The following DPYSL2 variants were observed in gnomAD, a reference collection of about 807,000 sequenced individuals.
DPYSL2 encodes the protein dihydropyrimidinase like 2, also known as dihydropyrimidinase-related protein 2.
Under a neutral mutation model 69.9 loss-of-function variants are expected in DPYSL2, and 13 were observed. The ratio of observed to expected loss-of-function variants is 0.19; its 90% confidence interval spans 0.12 to 0.30. DPYSL2 has a LOEUF of 0.30. Among genes scored for constraint, DPYSL2 ranks in the 10% least tolerant of loss-of-function variants. The probability of loss-of-function intolerance (pLI) is 1.00; values close to 1 mark genes in which losing one functional copy is unlikely to be tolerated. For missense variants in DPYSL2, 587 were observed against 918.9 expected, an observed-to-expected ratio of 0.64 and a Z score of 4.67; for synonymous variants, 326 against 359.1, an observed-to-expected ratio of 0.91 and a Z score of 1.04.
At chr8:26,622,158 C>CTTCCTTCCTTCCTTCCCTCT (rs1554544255) in intron 3 of DPYSL2, among the ~76,000 whole-genome samples, 8 of 36,392 alleles carry the variant, frequency 2.2e-4, no homozygotes, top group Admixed American at 7.7e-4. Context: ...TCCTTCCTTC[C>CTTCCTTCCTTCCTTCCCTCT]CTCTCTCTCT....
In DPYSL2 at chr8:26,587,362, C is replaced by T. The variant is rs1207425807; in HGVS notation, c.628+3379C>T. Among the ~76,000 whole-genome samples the T allele has an allele frequency of 6.6e-6, 1 of 152,168 alleles. No homozygotes were observed. The highest frequency in any genetic ancestry group is 2.4e-5 in the African/African-American group (1 of 41,446). ...CCCTCTTCCTCCCAACTCCCCGCCACCCCGCCCCTGGGCACTCCACCCTCC... is the reference window on the plus strand; with the variant it reads ...CCCTCTTCCTCCCAACTCCCCGCCATCCCGCCCCTGGGCACTCCACCCTCC... On this transcript the variant is annotated intron_variant, in intron 3 of 13. Coordinates refer to ENST00000521913, the MANE Select transcript of DPYSL2 (RefSeq NM_001197293.3). This position sits in a 1 kb window ranked among gnomAD's most constrained non-coding sequence, Gnocchi z 4.2.
rs1022110900 is a variant in DPYSL2, at chr8:26,564,447, G to A, written c.355-17522G>A. 1.3e-5 allele frequency among the ~76,000 whole-genome samples: 2 copies of A among 152,260 alleles called. No homozygotes were observed. The highest frequency in any genetic ancestry group is 3.4e-3 in the Middle Eastern group (1 of 294). ...AGACTTTGAGATTTGGGAGCAGGCC[G>A]GGGTGGGAAACAGCATGGATTTGGG... On this transcript the variant is annotated intron_variant, in intron 1 of 13. Coordinates refer to ENST00000521913, the MANE Select transcript of DPYSL2 (RefSeq NM_001197293.3). This position sits in a 1 kb window ranked among gnomAD's most constrained non-coding sequence, Gnocchi z 4.8.
In DPYSL2 at chr8:26,529,500, A is replaced by G. The variant is rs1713673969; in HGVS notation, c.354+14821A>G. On this transcript the variant is annotated intron_variant, in intron 1 of 13. Transcript: ENST00000521913. The stretch of plus-strand genomic sequence containing the variant: ...CCTGGCTCATTTTTTAATTTTTTGT[A>G]GAGACATGGCCTCATTTTGTTCTCC... Among the ~76,000 whole-genome samples the G allele has an allele frequency of 2.0e-5, 3 of 151,866 alleles. No individual in the cohort carries two copies. In the South Asian group the frequency reaches 6.2e-4, roughly 32 times the overall value.
Position 26,644,190 on chromosome 8 carries a change from G to A in DPYSL2, c.1425+99G>A. ...CATGGAGGCCTTGAAATGACAGACA[G>A]TGGAGGACATCCTAGAAGCCAGTAC... On this transcript the variant is annotated intron_variant, in intron 10 of 13. Coordinates refer to ENST00000521913, the MANE Select transcript of DPYSL2 (RefSeq NM_001197293.3). This position sits in a 1 kb window ranked among gnomAD's most constrained non-coding sequence, Gnocchi z 4.5. The A allele has an allele frequency of 2.1e-6, 3 of 1,434,636 alleles. No homozygotes were observed. Among genetic ancestry groups the A allele is most frequent in the Non-Finnish European group, 2.8e-6 (3 of 1,067,666 alleles). 88.9% of individuals were successfully genotyped at this position (1,434,636 alleles called of 1,614,324 possible).
At chr8:26,574,084 A>G (rs929186940) in intron 1 of DPYSL2, among the ~76,000 whole-genome samples, 1 of 152,150 alleles carries the variant, frequency 6.6e-6, no homozygotes, top group African/African-American at 2.4e-5. Flanking sequence ...AGAAATGTGC[A>G]AGTCATTATA....
rs1192061895 is a variant in DPYSL2 at position 26,657,779 on chromosome 8, C to T, written c.*2073C>T. The T allele has an allele frequency of 2.6e-5, 4 of 152,530 alleles. No homozygotes were observed. In the East Asian group the frequency reaches 7.7e-4, roughly 29 times the overall value. The allele number at this position is 152,530 out of a possible 1,614,324, so 9.4% of individuals were successfully genotyped here. ...TTGTTTTGGTTGTTTTCTTAAAAAA[C>T]AAGTTAAAACCTGACGATTTCTGCA... On this transcript the variant is annotated 3_prime_UTR_variant, in exon 14 of 14. Coordinates refer to ENST00000521913, the MANE Select transcript of DPYSL2 (RefSeq NM_001197293.3).
At position 26,579,924 on chromosome 8, in the gene DPYSL2, C is replaced by CT. The variant is rs67626321; in HGVS notation, c.355-2023dup. Among the ~76,000 whole-genome samples the CT allele has an allele frequency of 2.4e-3, 272 of 115,574 alleles. 2 individuals carry two copies. Among genetic ancestry groups the CT allele is most frequent in the African/African-American group, 6.9e-3 (198 of 28,596 alleles). The allele number at this position is 115,574 out of a possible 152,430, so 75.8% of individuals were successfully genotyped here. A position where few individuals can be genotyped will look rare whatever the true frequency, so the allele number is the denominator to read the frequency against. ...AATTAAAAGCAAACGATCAACAAGACTTTTTTTTTTTTTTTTTTTTTTAAA... is the reference window on the plus strand; with the variant it reads ...AATTAAAAGCAAACGATCAACAAGACTTTTTTTTTTTTTTTTTTTTTTTAAA... On this transcript the variant is annotated intron_variant, in intron 1 of 13. Transcript: ENST00000521913.
Position 26,519,792 on chromosome 8 carries a change from T to C in DPYSL2, c.354+5113T>C, listed in dbSNP as rs542617329. Among the ~76,000 whole-genome samples the C allele has an allele frequency of 2.0e-5, 3 of 152,322 alleles. No homozygotes were observed. In the East Asian group the frequency reaches 5.8e-4, roughly 29 times the overall value. Reference sequence around the variant, plus strand: ...ACAATTTAATTTTGCAGGCAAAATATGTTACATCCCATTAAACTCCATATT... The same window carrying C: ...ACAATTTAATTTTGCAGGCAAAATACGTTACATCCCATTAAACTCCATATT... On this transcript the variant is annotated intron_variant, in intron 1 of 13. Coordinates refer to ENST00000521913, the MANE Select transcript of DPYSL2 (RefSeq NM_001197293.3).
At chr8:26,549,280 C>G (rs1157791742) in intron 1 of DPYSL2, among the ~76,000 whole-genome samples, 1 of 149,992 alleles carries the variant, frequency 6.7e-6, no homozygotes, top group African/African-American at 2.4e-5. Flanking sequence ...ATGAAGAATG[C>G]CTTTTATTTG....
At position 26,626,482 on chromosome 8, in the gene DPYSL2, AACACACACACACACACACACACACACAC is replaced by A. The variant is rs58931747; in HGVS notation, c.794-122_794-95del. 1 of 514,044 alleles carries A rather than the reference AACACACACACACACACACACACACACAC, an allele frequency of 1.9e-6. No individual in the cohort carries two copies. The highest frequency in any genetic ancestry group is 3.4e-6 in the Non-Finnish European group (1 of 295,084). 31.8% of individuals were successfully genotyped at this position (514,044 alleles called of 1,614,324 possible). ...TCTCCTCTCTCTTTCTCTGTACTGA[AACACACACACACACACACACACACACAC>A]ACACACACACACGTACACACACAGA... On this transcript the variant is annotated intron_variant, in intron 4 of 13. Coordinates refer to ENST00000521913, the MANE Select transcript of DPYSL2 (RefSeq NM_001197293.3). This position sits in a 1 kb window ranked among gnomAD's most constrained non-coding sequence, Gnocchi z 4.3.
In DPYSL2 at chr8:26,640,273, C is replaced by A. The variant is rs868022400; in HGVS notation, c.1127-3166C>A. Among the ~76,000 whole-genome samples, 1 of 152,220 alleles carries A rather than the reference C, an allele frequency of 6.6e-6. No individual in the cohort carries two copies. Among genetic ancestry groups the A allele is most frequent in the Non-Finnish European group, 1.5e-5 (1 of 68,034 alleles). ...GTAAATAAGCACCAGCTCCCATCCC[C>A]TGCAGTTCTTGGCCTTATAGAGAGC... On this transcript the variant is annotated intron_variant, in intron 8 of 13. Transcript: ENST00000521913. This position sits in a 1 kb window ranked among gnomAD's most constrained non-coding sequence, Gnocchi z 4.2.
rs187065274 is a variant in DPYSL2, at chr8:26,596,430, C to A, written c.628+12447C>A. ...AAGGACACAAGGACACGTGTTGAGT[C>A]CTCTTGTCCTCCAGTGAGCTCGGGA... On this transcript the variant is annotated intron_variant, in intron 3 of 13. Transcript: ENST00000521913. Among the ~76,000 whole-genome samples, 6 of 152,328 alleles carry A rather than the reference C, an allele frequency of 3.9e-5. No individual in the cohort carries two copies. The East Asian group carries it at 1.2e-3, about 29-fold the overall frequency.
At chr8:26,599,245 A>G (rs1221378401) in intron 3 of DPYSL2, among the ~76,000 whole-genome samples, 1 of 152,188 alleles carries the variant, frequency 6.6e-6, no homozygotes, top group African/African-American at 2.4e-5. Context: ...CAGATGATTC[A>G]GAAGCTGTGT....
chr8:26,635,562 A>C (rs186988476), intron 8 of DPYSL2, among the ~76,000 whole-genome samples: 101 of 152,222 alleles, frequency 6.6e-4, no homozygotes, highest in Admixed American at 1.3e-3. Context: ...AATTTCGATA[A>C]TCACACTGCA....
chr8:26,570,282 T>C (rs1175634186), intron 1 of DPYSL2, among the ~76,000 whole-genome samples: 1 of 152,046 alleles, frequency 6.6e-6, no homozygotes, highest in Non-Finnish European at 1.5e-5. Flanking sequence ...CACTGGGTTA[T>C]GAGGAAAGAA....
intron 3 of DPYSL2, among the ~76,000 whole-genome samples, chr8:26,618,087 T>C (rs1262197428): frequency 6.6e-6 from 1 of 152,146 alleles, no homozygotes; most frequent in Non-Finnish European, 1.5e-5. Context: ...GAATAGTCCT[T>C]TTTCAGAGAC....
chr8:26,569,851 G>C (rs969099750), intron 1 of DPYSL2, among the ~76,000 whole-genome samples: 10 of 152,216 alleles, frequency 6.6e-5, no homozygotes, highest in African/African-American at 2.2e-4. Flanking sequence ...AAGGACATCA[G>C]TGTGCTATGG....
At chr8:26,645,966 C>T (rs1253642054) in intron 10 of DPYSL2, among the ~76,000 whole-genome samples, 3 of 151,982 alleles carry the variant, frequency 2.0e-5, no homozygotes, top group African/African-American at 4.8e-5. Flanking sequence ...CCCGGGTTCA[C>T]GCAATTCTCT....
chr8:26,657,565 G>C lies in DPYSL2; in HGVS notation c.*1859G>C, dbSNP rs1405190632. The C allele has an allele frequency of 1.3e-5, 2 of 152,436 alleles. No homozygotes were observed. The highest frequency in any genetic ancestry group is 3.9e-4 in the East Asian group (2 of 5,188). 9.4% of individuals were successfully genotyped at this position (152,436 alleles called of 1,614,324 possible). A position where few individuals can be genotyped will look rare whatever the true frequency, so the allele number is the denominator to read the frequency against. ...GTTGTTGTTTATTTGTTATTTTAAA[G>C]GTAAATTGCACTTTTAAAAAAATAA... is the stretch of plus-strand genomic sequence containing the variant. On this transcript the variant is annotated 3_prime_UTR_variant, in exon 14 of 14. Coordinates refer to ENST00000521913, the MANE Select transcript of DPYSL2 (RefSeq NM_001197293.3).
Sources: gnomAD v4.1 joint callset for allele counts (sites outside exome capture counted in the v4.1 genomes callset) on GRCh38, gnomAD v4.1.1 for gene constraint, Gnocchi (gnomAD v3.1) non-coding constraint, MANE v1.5 for transcripts, NCBI Gene and HGNC (gene_info 2026-07-23, HGNC 2026-07-21) for gene names.